The following EPHA6 variants were observed in gnomAD, a reference collection of about 807,000 sequenced individuals.
The protein encoded by EPHA6 is ephrin type-A receptor 6.
A neutral mutation model predicts 112.0 loss-of-function variants in EPHA6; 50 were observed. The observed-to-expected ratio is 0.45, with a 90% CI of 0.36 to 0.56. EPHA6 has a LOEUF of 0.56. EPHA6 is among the 20% of genes least tolerant of loss of function. The pLI is 0.00. For missense variants in EPHA6, 1,280 were observed against 1,417.4 expected, an observed-to-expected ratio of 0.90 and a Z score of 1.56; for synonymous variants, 529 against 490.7, an observed-to-expected ratio of 1.08 and a Z score of -1.03.
At position 97,690,690 on chromosome 3, in the gene EPHA6, A is replaced by G. The variant is rs528765206; in HGVS notation, c.2785-29571A>G. ...GCCATGTTGACCAGGCCGGTCTCGA[A>G]CTCCTGACCTCAGGTGATCCACCCA... is the stretch of plus-strand genomic sequence containing the variant. On this transcript the variant is annotated intron_variant, in intron 14 of 17. Coordinates refer to ENST00000389672, the MANE Select transcript of EPHA6 (RefSeq NM_001080448.3). Among the ~76,000 whole-genome samples, 12 of 151,794 alleles carry G rather than the reference A, an allele frequency of 7.9e-5. No homozygotes were observed. The East Asian group carries it at 9.7e-4, about 12-fold the overall frequency.
At chr3:97,255,390 A>C (rs1028574626) in intron 5 of EPHA6, among the ~76,000 whole-genome samples, 3 of 152,180 alleles carry the variant, frequency 2.0e-5, no homozygotes, top group African/African-American at 7.2e-5. Context: ...AAAGAAAGCC[A>C]CTATCCCAAA....
chr3:97,341,574 C>G (rs539179933), intron 5 of EPHA6, among the ~76,000 whole-genome samples: 6 of 152,108 alleles, frequency 3.9e-5, no homozygotes, highest in Admixed American at 3.9e-4. Flanking sequence ...AGGATGGTAT[C>G]GATCTCCTGA....
At chr3:97,697,810 T>C (rs1559610362) in intron 14 of EPHA6, among the ~76,000 whole-genome samples, 2 of 152,180 alleles carry the variant, frequency 1.3e-5, no homozygotes, top group South Asian at 2.1e-4. Flanking sequence ...TGCTGCTGGC[T>C]TTCCTCCCCA....
chr3:97,243,899 C>T, intron 4 of EPHA6, 53 bp from the exon 5 acceptor site: 1 of 1,335,194 alleles, frequency 7.5e-7, no homozygotes, highest in Non-Finnish European at 1.0e-6. Context: ...ATTTTAGCGC[C>T]ATAATTCATT....
intron 10 of EPHA6, among the ~76,000 whole-genome samples, chr3:97,498,012 A>C (rs1206805428): frequency 6.6e-6 from 1 of 151,552 alleles, no homozygotes; most frequent in Non-Finnish European, 1.5e-5. Flanking sequence ...ACTGAGGTTA[A>C]AACAAACAAA....
At chr3:96,996,963 A>G (rs947804515) in intron 3 of EPHA6, among the ~76,000 whole-genome samples, 3 of 152,058 alleles carry the variant, frequency 2.0e-5, no homozygotes, top group Admixed American at 1.3e-4. Flanking sequence ...ACCTTCCTCA[A>G]TGATTTTAGC....
At chr3:97,611,561 A>C (rs1418355973) in intron 13 of EPHA6, among the ~76,000 whole-genome samples, 3 of 151,918 alleles carry the variant, frequency 2.0e-5, no homozygotes, top group Non-Finnish European at 4.4e-5. Flanking sequence ...GAAAATATTC[A>C]TTGATAGTGA....
chr3:96,949,896 T>C (rs528738917), intron 2 of EPHA6, among the ~76,000 whole-genome samples: 1 of 152,278 alleles, frequency 6.6e-6, no homozygotes, highest in East Asian at 1.9e-4. Flanking sequence ...AGCACCATTT[T>C]CCTAATTGAC....
intron 2 of EPHA6, among the ~76,000 whole-genome samples, chr3:96,875,155 G>A (rs1367040030): frequency 6.6e-6 from 1 of 151,984 alleles, no homozygotes; most frequent in Non-Finnish European, 1.5e-5. Context: ...TGAAACACCA[G>A]CACCATTTTG....
intron 10 of EPHA6, among the ~76,000 whole-genome samples, chr3:97,497,273 A>G (rs1030052319): frequency 1.3e-5 from 2 of 152,120 alleles, no homozygotes; most frequent in Non-Finnish European, 2.9e-5. Context: ...TCTGGCAACA[A>G]TGGTGTCATT....
intron 5 of EPHA6, among the ~76,000 whole-genome samples, chr3:97,281,757 C>T (rs2080294019): frequency 6.6e-6 from 1 of 152,136 alleles, no homozygotes; most frequent in Admixed American, 6.5e-5. Flanking sequence ...ATTCTCACAA[C>T]ATGCCTAGGT....
At chr3:96,892,265 G>T (rs2038007079) in intron 2 of EPHA6, among the ~76,000 whole-genome samples, 1 of 152,080 alleles carries the variant, frequency 6.6e-6, no homozygotes, top group Non-Finnish European at 1.5e-5. Context: ...CTGTCGCCCA[G>T]GCTGGAGTAC....
intron 5 of EPHA6, among the ~76,000 whole-genome samples, chr3:97,377,439 A>G (rs553587747): frequency 2.4e-4 from 36 of 152,214 alleles, no homozygotes; most frequent in Non-Finnish European, 4.4e-4. Flanking sequence ...AAAACACCAG[A>G]CTAATACAGT....
At chr3:96,838,365 GGC>G (rs1344770472) in intron 1 of EPHA6, among the ~76,000 whole-genome samples, 2 of 152,062 alleles carry the variant, frequency 1.3e-5, no homozygotes, top group Non-Finnish European at 2.9e-5. Context: ...AACGTACACA[GGC>G]ATGTGTCTTT....
intron 2 of EPHA6, among the ~76,000 whole-genome samples, chr3:96,977,352 A>G (rs922062718): frequency 2.0e-5 from 3 of 152,188 alleles, no homozygotes; most frequent in Admixed American, 6.5e-5. Context: ...ATGATAGACA[A>G]TGGAGACTTG....
At chr3:97,510,068 A>T (rs188033102) in intron 10 of EPHA6, among the ~76,000 whole-genome samples, 1 of 152,150 alleles carries the variant, frequency 6.6e-6, no homozygotes, top group Non-Finnish European at 1.5e-5. Flanking sequence ...TAAACTGATT[A>T]TTCTAGTTAG....
At chr3:97,088,122 A>G (rs2046957831) in intron 3 of EPHA6, among the ~76,000 whole-genome samples, 1 of 152,130 alleles carries the variant, frequency 6.6e-6, no homozygotes, top group South Asian at 2.1e-4. Context: ...CAGAGGTTGC[A>G]GTGAGCCGAG....
intron 4 of EPHA6, among the ~76,000 whole-genome samples, chr3:97,238,433 A>G (rs2078743874): frequency 1.3e-5 from 2 of 151,960 alleles, no homozygotes; most frequent in African/African-American, 2.4e-5. Context: ...TATGCATTGC[A>G]TTCATTTCTT....
At chr3:97,559,498 C>G in intron 11 of EPHA6, 1 of 373,882 alleles carries the variant, frequency 2.7e-6, no homozygotes, top group South Asian at 2.0e-5. Context: ...CAGAATGGAA[C>G]TAAGAAGGCA....
Sources: gnomAD v4.1 joint callset for allele counts (sites outside exome capture counted in the v4.1 genomes callset) on GRCh38, gnomAD v4.1.1 for gene constraint, MANE v1.5 for transcripts, NCBI Gene and HGNC (gene_info 2026-07-23, HGNC 2026-07-21) for gene names.